Variants in TM2D1 observed in about 807,000 individuals in gnomAD.
TM2D1 encodes the protein TM2 domain-containing protein 1.
TM2D1 carries 15 observed loss-of-function variants against 28.4 expected under a neutral mutation model. The ratio of observed to expected loss-of-function variants is 0.53; its 90% CI spans 0.35 to 0.81. TM2D1 has a LOEUF of 0.81. TM2D1 is among the 40% of genes least tolerant of loss of function. The pLI is 0.01. For missense variants in TM2D1, 236 were observed against 254.9 expected (o/e 0.93, Z 0.50); for synonymous variants, 93 against 96.2 (o/e 0.97, Z 0.20).
At chr1:61,685,010 C>G (rs867911124) in intron 5 of TM2D1, among the ~76,000 whole-genome samples, 13 of 152,180 alleles carry the variant, frequency 8.5e-5, no homozygotes, top group African/African-American at 2.9e-4. Flanking sequence ...TCTCAAACTC[C>G]TAGTACTAGG....
chr1:61,704,176 C>T (rs1054506301), intron 3 of TM2D1, among the ~76,000 whole-genome samples: 3 of 152,032 alleles, frequency 2.0e-5, no homozygotes, highest in African/African-American at 7.2e-5. Context: ...AGGCATAAGC[C>T]ACTGCGCCTG....
chr1:61,691,495 C>CAA (rs1183951634), intron 5 of TM2D1, among the ~76,000 whole-genome samples: 2,376 of 39,118 alleles, frequency 0.061, 138 homozygotes, highest in East Asian at 0.29. Flanking sequence ...AACTCCATCT[C>CAA]AAAAAAAAAA....
At chr1:61,689,842 C>T (rs1171571707) in intron 5 of TM2D1, among the ~76,000 whole-genome samples, 2 of 152,108 alleles carry the variant, frequency 1.3e-5, no homozygotes, top group African/African-American at 4.8e-5. Flanking sequence ...TATTCATTAC[C>T]TCTCAAGTGA....
chr1:61,690,814 G>A (rs1471665951), intron 5 of TM2D1, among the ~76,000 whole-genome samples: 1 of 152,172 alleles, frequency 6.6e-6, no homozygotes, highest in African/African-American at 2.4e-5. Context: ...ATAACCCAGT[G>A]TTAGAGTGGT....
intron 2 of TM2D1, among the ~76,000 whole-genome samples, chr1:61,710,537 A>T (rs1386419276): frequency 6.9e-6 from 1 of 145,578 alleles, no homozygotes; most frequent in African/African-American, 2.6e-5. Context: ...CACATATACG[A>T]CTACCCACCT....
chr1:61,724,475 C>T (rs545370394), intron 1 of TM2D1: 2 of 153,162 alleles, frequency 1.3e-5, no homozygotes, highest in East Asian at 3.9e-4. Flanking sequence ...AGTCTACCAT[C>T]TCATGAAGTT....
intron 3 of TM2D1, among the ~76,000 whole-genome samples, chr1:61,704,841 G>A (rs1388616557): frequency 6.6e-6 from 1 of 152,140 alleles, no homozygotes; most frequent in Non-Finnish European, 1.5e-5. Flanking sequence ...GAGGTGGGAG[G>A]ATCACTTCAG....
At chr1:61,715,803 T>A (rs1235430223) in intron 2 of TM2D1, among the ~76,000 whole-genome samples, 1 of 151,444 alleles carries the variant, frequency 6.6e-6, no homozygotes, top group Non-Finnish European at 1.5e-5. Flanking sequence ...TTTTTTTGTT[T>A]ATTTTTTTGT....
At chr1:61,695,575 CTT>C (rs1485635138) in intron 4 of TM2D1, among the ~76,000 whole-genome samples, 7 of 152,082 alleles carry the variant, frequency 4.6e-5, no homozygotes, top group Non-Finnish European at 1.0e-4. Flanking sequence ...AGACAAGACT[CTT>C]TGTGAAAATG....
At chr1:61,685,216 T>C (rs1304954730) in intron 5 of TM2D1, among the ~76,000 whole-genome samples, 2 of 152,210 alleles carry the variant, frequency 1.3e-5, no homozygotes, top group African/African-American at 4.8e-5. Context: ...TAATGGTTAG[T>C]GAAGAGTTCA....
chr1:61,694,498 C>T, intron 5 of TM2D1, 199 bp downstream of exon 5: 1 of 412,596 alleles, frequency 2.4e-6, no homozygotes, highest in Non-Finnish European at 4.4e-6. Context: ...TCTTTGAGAA[C>T]TACTAACTGG....
At chr1:61,692,676 G>A (rs564221290) in intron 5 of TM2D1, among the ~76,000 whole-genome samples, 8 of 152,106 alleles carry the variant, frequency 5.3e-5, no homozygotes, top group African/African-American at 1.9e-4. Flanking sequence ...TGAGAGGATC[G>A]CTTAAGCCCA....
intron 5 of TM2D1, among the ~76,000 whole-genome samples, chr1:61,685,732 A>G (rs1644280601): frequency 6.6e-6 from 1 of 152,254 alleles, no homozygotes; most frequent in Non-Finnish European, 1.5e-5. Flanking sequence ...TTATGAGTTT[A>G]CATAAAAATT....
intron 3 of TM2D1, among the ~76,000 whole-genome samples, chr1:61,703,290 T>C (rs1266941565): frequency 6.8e-6 from 1 of 147,668 alleles, no homozygotes; most frequent in Non-Finnish European, 1.5e-5. Context: ...TATATGAAGA[T>C]GGTAATATGT....
intron 2 of TM2D1, 58 bp downstream of exon 2, chr1:61,723,655 G>T: frequency 1.1e-6 from 1 of 892,698 alleles, no homozygotes; most frequent in Non-Finnish European, 1.7e-6. Context: ...ATCATACATT[G>T]ACCTATGAAA....
intron 4 of TM2D1, among the ~76,000 whole-genome samples, chr1:61,695,351 T>G (rs1055675268): frequency 1.3e-5 from 2 of 152,172 alleles, no homozygotes; most frequent in African/African-American, 4.8e-5. Flanking sequence ...TGCTGAGCAC[T>G]ATATACAGCT....
chr1:61,683,772 A>G (rs1238735860), intron 5 of TM2D1: 1 of 302,174 alleles, frequency 3.3e-6, no homozygotes, highest in African/African-American at 2.2e-5. Context: ...CCAAGGACTG[A>G]ATTCTGTGCT....
At chr1:61,695,256 G>A (rs573621156) in intron 4 of TM2D1, among the ~76,000 whole-genome samples, 1 of 151,454 alleles carries the variant, frequency 6.6e-6, no homozygotes, top group African/African-American at 2.4e-5. Context: ...AATTTTATTA[G>A]CAATCCAATT....
chr1:61,704,468 G>T (rs1260629928), intron 3 of TM2D1, among the ~76,000 whole-genome samples: 4 of 152,040 alleles, frequency 2.6e-5, no homozygotes, highest in African/African-American at 9.7e-5. Context: ...TTTCAATCTT[G>T]TCACCCAGGC....
Sources: gnomAD v4.1 joint callset for allele counts (sites outside exome capture counted in the v4.1 genomes callset) on GRCh38, gnomAD v4.1.1 for gene constraint, MANE v1.5 for transcripts, NCBI Gene and HGNC (gene_info 2026-07-23, HGNC 2026-07-21) for gene names.